The following TIAM1 variants were observed in gnomAD, a reference collection of about 807,000 sequenced individuals.
TIAM1 encodes TIAM Rac1 associated GEF 1, also known as rho guanine nucleotide exchange factor TIAM1.
In TIAM1, 65 loss-of-function variants were observed where a neutral mutation model predicts 163.5. The observed-to-expected ratio is 0.40, with a 90% CI of 0.33 to 0.49. The LOEUF is 0.49. Among genes scored for constraint, TIAM1 ranks in the 20% least tolerant of loss-of-function variants. TIAM1 has a pLI of 0.77. For missense variants in TIAM1, 1,789 were observed against 2,044.7 expected, an observed-to-expected ratio of 0.87 and a Z score of 2.41; for synonymous variants, 833 against 810.1, an observed-to-expected ratio of 1.03 and a Z score of -0.48.
At chr21:31,265,056 G>A (rs1385686522) in intron 4 of TIAM1, among the ~76,000 whole-genome samples, 1 of 151,986 alleles carries the variant, frequency 6.6e-6, no homozygotes, top group Non-Finnish European at 1.5e-5. Flanking sequence ...TGCCCAGGTG[G>A]GACTTAAACT....
At chr21:31,199,926 C>A (rs67084486) in intron 12 of TIAM1, among the ~76,000 whole-genome samples, 33,204 of 142,240 alleles carry the variant, frequency 0.23, 6,068 homozygotes, top group African/African-American at 0.52. Flanking sequence ...AAAAAAAAAA[C>A]ACACAAAAAA....
chr21:31,484,327 G>A (rs774735251), intron 1 of TIAM1, among the ~76,000 whole-genome samples: 1 of 152,170 alleles, frequency 6.6e-6, no homozygotes, highest in African/African-American at 2.4e-5. Context: ...TCTGGGCTGG[G>A]GACTGTGTGT....
chr21:31,260,849 A>G (rs576517015), intron 4 of TIAM1, among the ~76,000 whole-genome samples: 1 of 152,270 alleles, frequency 6.6e-6, no homozygotes, highest in African/African-American at 2.4e-5. Flanking sequence ...TAGGGGACCT[A>G]TGGATCCCTT....
chr21:31,513,184 C>T (rs779855769), intron 1 of TIAM1, among the ~76,000 whole-genome samples: 3 of 152,098 alleles, frequency 2.0e-5, no homozygotes, highest in Non-Finnish European at 4.4e-5. Flanking sequence ...CATACATATA[C>T]ACGTACCATG....
chr21:31,203,091 A>AATACATCATATGTTGG, intron 11 of TIAM1, 79 bp from the exon 12 acceptor site: 1 of 1,091,198 alleles, frequency 9.2e-7, no homozygotes, highest in Non-Finnish European at 1.4e-6. Flanking sequence ...CCAACATACG[A>AATACATCATATGTTGG]TGTATTCCTA....
At chr21:31,179,698 G>A (rs942921637) in intron 15 of TIAM1, among the ~76,000 whole-genome samples, 2 of 151,976 alleles carry the variant, frequency 1.3e-5, no homozygotes, top group African/African-American at 4.8e-5. Context: ...CAGTTGTTTA[G>A]TTTAAAACTC....
At chr21:31,172,309 T>C (rs754479506) in intron 15 of TIAM1, among the ~76,000 whole-genome samples, 1 of 151,852 alleles carries the variant, frequency 6.6e-6, no homozygotes, top group Non-Finnish European at 1.5e-5. Flanking sequence ...TTGTTTGTTT[T>C]TTTTTTAATC....
At chr21:31,353,766 A>C (rs1252950763) in intron 2 of TIAM1, among the ~76,000 whole-genome samples, 1 of 151,714 alleles carries the variant, frequency 6.6e-6, no homozygotes, top group Non-Finnish European at 1.5e-5. Context: ...TTTGGGCTAC[A>C]ATCTTGTCAT....
At position 31,516,815 on chromosome 21, in the gene TIAM1, G is replaced by A. The variant is rs1006919322; in HGVS notation, c.-422+42112C>T. 5.7e-4 allele frequency among the ~76,000 whole-genome samples: 86 copies of A among 151,966 alleles called. 1 individual carries two copies. The highest frequency in any genetic ancestry group is 2.0e-3 in the African/African-American group (82 of 41,480). On this transcript the variant is annotated intron_variant, in intron 1 of 28. Coordinates refer to the TIAM1 transcript ENST00000286827. ...TCACACCTGTAATCCCAACACTTTG[G>A]GAGGCCGAGGCAGATCACGAGGTCA...
chr21:31,304,542 G>A (rs1454600806), intron 2 of TIAM1, among the ~76,000 whole-genome samples: 1 of 152,184 alleles, frequency 6.6e-6, no homozygotes, highest in Admixed American at 6.5e-5. Flanking sequence ...ACAGGTAAGA[G>A]CACCGTGCTA....
intron 23 of TIAM1, among the ~76,000 whole-genome samples, chr21:31,134,896 G>A (rs529323560): frequency 6.6e-6 from 1 of 152,182 alleles, no homozygotes; most frequent in East Asian, 1.9e-4. Flanking sequence ...TTCAATGAAG[G>A]CTAAGTCATT....
At chr21:31,130,115 C>G in intron 25 of TIAM1, 98 bp downstream of exon 25, 5 of 829,054 alleles carry the variant, frequency 6.0e-6, no homozygotes, top group East Asian at 2.9e-5. Context: ...AAAAAAAAGA[C>G]GGTAGAAGAG....
At chr21:31,376,473 C>A (rs546119319) in intron 2 of TIAM1, among the ~76,000 whole-genome samples, 1 of 152,270 alleles carries the variant, frequency 6.6e-6, no homozygotes, top group East Asian at 1.9e-4. Context: ...CCTGATTATG[C>A]GTGCTAATGA....
chr21:31,476,549 T>C (rs1250296962), intron 1 of TIAM1, among the ~76,000 whole-genome samples: 1 of 152,254 alleles, frequency 6.6e-6, no homozygotes, highest in East Asian at 1.9e-4. Context: ...TTTGTTGAGA[T>C]GACAACAATC....
chr21:31,221,017 ACCTCCTCCTT>A (rs2146610525), intron 8 of TIAM1, among the ~76,000 whole-genome samples: 1 of 151,764 alleles, frequency 6.6e-6, no homozygotes, highest in East Asian at 1.9e-4. Flanking sequence ...TTACCCTCAC[ACCTCCTCCTT>A]CCTCCTCCCC....
chr21:31,223,232 A>G (rs1430330106), intron 8 of TIAM1, among the ~76,000 whole-genome samples, 174 bp downstream of exon 8: 1 of 152,144 alleles, frequency 6.6e-6, no homozygotes, highest in Non-Finnish European at 1.5e-5. Flanking sequence ...ATGCTTAAGT[A>G]ATATATTCCA....
chr21:31,375,663 C>CA (rs1249117255), intron 2 of TIAM1, among the ~76,000 whole-genome samples: 2 of 151,974 alleles, frequency 1.3e-5, no homozygotes, highest in Non-Finnish European at 2.9e-5. Flanking sequence ...CCTGTGCCAC[C>CA]AAAAAAACCC....
intron 17 of TIAM1, 52 bp from the exon 18 acceptor site, chr21:31,153,186 C>T: frequency 7.0e-7 from 1 of 1,422,790 alleles, no homozygotes; most frequent in South Asian, 1.2e-5. Flanking sequence ...TTTTTATATA[C>T]CCTAGAACTT....
At chr21:31,495,281 C>T (rs1336629717) in intron 1 of TIAM1, among the ~76,000 whole-genome samples, 5 of 152,202 alleles carry the variant, frequency 3.3e-5, no homozygotes, top group Non-Finnish European at 5.9e-5. Context: ...CTCACAGTTC[C>T]GGAGGCTGGG....
Sources: allele counts gnomAD v4.1 joint callset (sites outside exome capture counted in the v4.1 genomes callset), GRCh38; gene constraint gnomAD v4.1.1; transcripts MANE v1.5; gene names NCBI Gene and HGNC (gene_info 2026-07-23, HGNC 2026-07-21).